Variants in DENND2B observed in about 807,000 individuals in gnomAD.
DENND2B encodes the protein DENN domain containing 2B.
DENND2B carries 32 observed loss-of-function variants against 116.0 expected under a neutral mutation model. The observed-to-expected ratio is 0.28, with a 90% CI of 0.21 to 0.37. DENND2B has a LOEUF of 0.37. Among genes scored for constraint, DENND2B ranks in the 10% least tolerant of loss-of-function variants. The pLI is 1.00. For missense variants in DENND2B, 1,276 were observed against 1,477.7 expected, an observed-to-expected ratio of 0.86 and a Z score of 2.24; for synonymous variants, 588 against 583.9, an observed-to-expected ratio of 1.01 and a Z score of -0.10.
intron 3 of DENND2B, among the ~76,000 whole-genome samples, chr11:8,850,992 A>G (rs1032419212): frequency 6.6e-6 from 1 of 152,224 alleles, no homozygotes; most frequent in Non-Finnish European, 1.5e-5. Flanking sequence ...TCATAGAAAC[A>G]GAGGGTAAAA....
At chr11:8,699,783 A>C (rs2041174001) in intron 14 of DENND2B, 4 of 449,516 alleles carry the variant, frequency 8.9e-6, no homozygotes, top group Admixed American at 2.4e-5. Flanking sequence ...CCACATCAGA[A>C]CTAGGCAAGA....
intron 4 of DENND2B, among the ~76,000 whole-genome samples, chr11:8,835,299 A>C (rs1460365226): frequency 6.6e-6 from 1 of 152,228 alleles, no homozygotes; most frequent in East Asian, 1.9e-4. Context: ...TCCTGGAAGA[A>C]GGGCAGGTTA....
chr11:8,854,060 T>C (rs982045123), intron 3 of DENND2B, among the ~76,000 whole-genome samples: 3 of 123,126 alleles, frequency 2.4e-5, no homozygotes, highest in African/African-American at 8.9e-5. Context: ...AGAGACAGGA[T>C]CTCACTTTGT....
At chr11:8,718,421 T>C (rs1440204631) in intron 4 of DENND2B, 3 of 1,528,254 alleles carry the variant, frequency 2.0e-6, no homozygotes, top group Non-Finnish European at 2.6e-6. Flanking sequence ...CCAGGCCCCC[T>C]TCTCACCTAC....
At chr11:8,745,211 C>T (rs1314266084) in intron 2 of DENND2B, among the ~76,000 whole-genome samples, 1 of 152,138 alleles carries the variant, frequency 6.6e-6, no homozygotes, top group Non-Finnish European at 1.5e-5. Context: ...TGCACCACCA[C>T]ATCCAGCTAA....
rs527383305 is a variant in DENND2B, at chr11:8,908,815, T to C, written c.-256+2006A>G. On this transcript the variant is annotated intron_variant, in intron 1 of 22. Coordinates refer to the DENND2B transcript ENST00000534127. Reference sequence around the variant, plus strand: ...TTTTATGTGCATTCTTTCCTCTTTTTTATTCTCCTTTAGTCTGATCCACAT... The same window carrying C: ...TTTTATGTGCATTCTTTCCTCTTTTCTATTCTCCTTTAGTCTGATCCACAT... Among the ~76,000 whole-genome samples, 6 of 152,332 alleles carry C rather than the reference T, an allele frequency of 3.9e-5. No homozygotes were observed. The South Asian group carries it at 1.2e-3, about 32-fold the overall frequency.
chr11:8,729,498 C>T (rs1441447363), intron 3 of DENND2B, among the ~76,000 whole-genome samples: 2 of 152,178 alleles, frequency 1.3e-5, no homozygotes, highest in Admixed American at 6.5e-5. Flanking sequence ...GCCGACACTA[C>T]CATGTTAATG....
intron 19 of DENND2B, chr11:8,694,739 T>C: frequency 2.5e-6 from 1 of 407,494 alleles, no homozygotes; most frequent in South Asian, 1.8e-5. Flanking sequence ...TTTTTTCTCG[T>C]CATTATTCCC....
chr11:8,823,169 T>G (rs2061831040), intron 4 of DENND2B, among the ~76,000 whole-genome samples: 1 of 152,046 alleles, frequency 6.6e-6, no homozygotes, highest in Non-Finnish European at 1.5e-5. Context: ...ATATCATAAA[T>G]GAATACACAC....
At chr11:8,799,602 A>G (rs1593871864) in intron 1 of DENND2B, among the ~76,000 whole-genome samples, 1 of 106,640 alleles carries the variant, frequency 9.4e-6, no homozygotes, top group African/African-American at 3.6e-5. Context: ...GTGTCTTGCT[A>G]TGTTGCTCAG....
At chr11:8,818,079 C>A (rs549793958) in intron 4 of DENND2B, among the ~76,000 whole-genome samples, 2 of 28,634 alleles carry the variant, frequency 7.0e-5, no homozygotes, top group Admixed American at 7.0e-4. Context: ...CTGGCCAACA[C>A]GGCAAAACTC....
chr11:8,721,358 C>A (rs1011028326), intron 4 of DENND2B, among the ~76,000 whole-genome samples: 1 of 152,106 alleles, frequency 6.6e-6, no homozygotes, highest in African/African-American at 2.4e-5. Context: ...ATACAGCACT[C>A]CCCCAGCCCC....
chr11:8,800,506 G>A (rs1389577255), intron 1 of DENND2B, among the ~76,000 whole-genome samples: 1 of 152,182 alleles, frequency 6.6e-6, no homozygotes, highest in Admixed American at 6.5e-5. Context: ...AGAACAGGAT[G>A]TTTGACCATC....
chr11:8,905,904 AAAG>A (rs1391942271), intron 1 of DENND2B, among the ~76,000 whole-genome samples: 39 of 152,078 alleles, frequency 2.6e-4, no homozygotes, highest in East Asian at 3.9e-4. Flanking sequence ...ATGCTAATTA[AAAG>A]AAGCCAGGCA....
At chr11:8,875,555 A>G (rs1306873625), upstream of DENND2B, among the ~76,000 whole-genome samples, 3 of 151,646 alleles carry the variant, frequency 2.0e-5, no homozygotes, top group Non-Finnish European at 2.9e-5. Context: ...ACAAGCACAT[A>G]CCACAACACA....
chr11:8,702,466 C>T lies in DENND2B; in HGVS notation c.2720+106G>A, dbSNP rs2041879180. 1 of 1,518,192 alleles carries T rather than the reference C, an allele frequency of 6.6e-7. No homozygotes were observed. The highest frequency in any genetic ancestry group is 1.4e-5 in the African/African-American group (1 of 72,520). 94.0% of individuals were successfully genotyped at this position (1,518,192 alleles called of 1,614,324 possible). On this transcript the variant is annotated intron_variant, in intron 14 of 19. Coordinates refer to ENST00000313726, the MANE Select transcript of DENND2B (RefSeq NM_213618.2). This position sits in a 1 kb window ranked among gnomAD's most constrained non-coding sequence, Gnocchi z 4.6. ...CCATCTCCCTACGCACAGCCCCACT[C>T]CAGCACTGGTCTCCGGCGCCTGCTT... is the stretch of plus-strand genomic sequence containing the variant.
Position 8,738,487 on chromosome 11 carries a change from C to G in DENND2B, c.81-7278G>C, listed in dbSNP as rs370405808. Among the ~76,000 whole-genome samples the G allele has an allele frequency of 1.1e-4, 16 of 152,218 alleles. No individual in the cohort carries two copies. The East Asian group carries it at 1.7e-3, about 17-fold the overall frequency. Reference sequence around the variant, plus strand: ...GGGAGAAAAGGTCAGAGTTTGTTCCCCTCCTGCTTCAAGCATCTGGATCCA... The same window carrying G: ...GGGAGAAAAGGTCAGAGTTTGTTCCGCTCCTGCTTCAAGCATCTGGATCCA... On this transcript the variant is annotated intron_variant, in intron 2 of 19. Transcript: ENST00000313726.
At chr11:8,826,929 G>C (rs932162198) in intron 4 of DENND2B, among the ~76,000 whole-genome samples, 1 of 152,236 alleles carries the variant, frequency 6.6e-6, no homozygotes, top group African/African-American at 2.4e-5. Flanking sequence ...AGGAAGGGAA[G>C]ATGAGGGAGA....
chr11:8,863,947 C>T (rs2063493074), intron 2 of DENND2B, among the ~76,000 whole-genome samples: 1 of 152,042 alleles, frequency 6.6e-6, no homozygotes, highest in Non-Finnish European at 1.5e-5. Context: ...AGAGGCAAGA[C>T]CAGACTTTCA....
Sources: gnomAD v4.1 joint callset for allele counts (sites outside exome capture counted in the v4.1 genomes callset) on GRCh38, gnomAD v4.1.1 for gene constraint, Gnocchi (gnomAD v3.1) non-coding constraint, MANE v1.5 for transcripts, NCBI Gene and HGNC (gene_info 2026-07-23, HGNC 2026-07-21) for gene names.